NDFIP2: variants seen among roughly 807,000 people sequenced by gnomAD.
NDFIP2 encodes Nedd4 family interacting protein 2.
In NDFIP2, 19 loss-of-function variants were observed where a neutral mutation model predicts 36.0. The observed-to-expected ratio is 0.53, with a 90% CI of 0.37 to 0.77. The LOEUF (loss-of-function observed/expected upper bound fraction) is 0.77. Among genes scored for constraint, NDFIP2 ranks in the 30% least tolerant of loss-of-function variants. NDFIP2 has a pLI of 0.00. For missense variants in NDFIP2, 446 were observed against 435.8 expected, an observed-to-expected ratio of 1.02 and a Z score of -0.21; for synonymous variants, 181 against 167.7, an observed-to-expected ratio of 1.08 and a Z score of -0.61.
At chr13:79,507,001 C>G (rs1873893522) in intron 1 of NDFIP2, among the ~76,000 whole-genome samples, 1 of 151,848 alleles carries the variant, frequency 6.6e-6, no homozygotes, top group South Asian at 2.1e-4. Flanking sequence ...TTTAAAACTG[C>G]ATGTTTAAAA....
chr13:79,495,146 A>G (rs1343076486), intron 1 of NDFIP2, among the ~76,000 whole-genome samples: 1 of 151,932 alleles, frequency 6.6e-6, no homozygotes, highest in Admixed American at 6.6e-5. Flanking sequence ...TTATGGGCTA[A>G]TATATCCAAC....
chr13:79,541,105 ATTG>A (rs1392654008), intron 4 of NDFIP2, among the ~76,000 whole-genome samples: 4 of 152,154 alleles, frequency 2.6e-5, no homozygotes, highest in Admixed American at 1.3e-4. Context: ...CATTACTTTC[ATTG>A]TTATTATACC....
At chr13:79,542,386 G>A (rs1053894760) in intron 4 of NDFIP2, among the ~76,000 whole-genome samples, 1 of 152,152 alleles carries the variant, frequency 6.6e-6, no homozygotes, top group Non-Finnish European at 1.5e-5. Flanking sequence ...GTAAGAAATT[G>A]CCAAACTGTC....
chr13:79,487,924 C>G (rs543048848), intron 1 of NDFIP2, among the ~76,000 whole-genome samples: 1 of 152,218 alleles, frequency 6.6e-6, no homozygotes, highest in East Asian at 1.9e-4. Context: ...AATGTAAAAA[C>G]TCCTTCGAAT....
At chr13:79,482,129 A>G (rs1030053763) in intron 1 of NDFIP2, among the ~76,000 whole-genome samples, 1 of 73,232 alleles carries the variant, frequency 1.4e-5, no homozygotes, top group Non-Finnish European at 3.0e-5. Context: ...AAATGACTGT[A>G]TTTTTTGGTA....
intron 2 of NDFIP2, among the ~76,000 whole-genome samples, 155 bp from the exon 3 acceptor site, chr13:79,533,168 G>A (rs372809077): frequency 1.3e-5 from 2 of 152,094 alleles, no homozygotes; most frequent in East Asian, 3.8e-4. Flanking sequence ...ATATATGATT[G>A]TAATAGTAAT....
intron 5 of NDFIP2, among the ~76,000 whole-genome samples, chr13:79,546,248 G>A (rs183542550): frequency 3.3e-5 from 5 of 152,162 alleles, no homozygotes; most frequent in South Asian, 2.1e-4. Flanking sequence ...TCATACTGCC[G>A]CTGTCCATTT....
At chr13:79,524,316 TA>T (rs1874706468) in intron 2 of NDFIP2, among the ~76,000 whole-genome samples, 1 of 152,240 alleles carries the variant, frequency 6.6e-6, no homozygotes, top group South Asian at 2.1e-4. Flanking sequence ...AAATCATTCA[TA>T]ACTTTACTCC....
At chr13:79,544,833 A>G (rs1875601803) in intron 5 of NDFIP2, among the ~76,000 whole-genome samples, 1 of 152,152 alleles carries the variant, frequency 6.6e-6, no homozygotes, top group Non-Finnish European at 1.5e-5. Flanking sequence ...ATAGCTTTCC[A>G]GGGTTTCAGT....
intron 1 of NDFIP2, among the ~76,000 whole-genome samples, chr13:79,493,787 A>G (rs1026087509): frequency 2.0e-5 from 3 of 150,810 alleles, no homozygotes; most frequent in African/African-American, 7.2e-5. Context: ...GTCTGGTATC[A>G]TCTAGCTACA....
intron 3 of NDFIP2, among the ~76,000 whole-genome samples, chr13:79,536,085 T>A (rs755329897): frequency 2.0e-5 from 3 of 152,208 alleles, no homozygotes; most frequent in Non-Finnish European, 4.4e-5. Context: ...ATTTCTGATG[T>A]GTAGAATTGC....
chr13:79,485,814 A>G (rs936388593), intron 1 of NDFIP2, among the ~76,000 whole-genome samples: 1 of 152,112 alleles, frequency 6.6e-6, no homozygotes, highest in Non-Finnish European at 1.5e-5. Flanking sequence ...TTCTTGTCTT[A>G]GTGAACTCTT....
intron 1 of NDFIP2, among the ~76,000 whole-genome samples, chr13:79,496,950 T>C (rs1873456624): frequency 1.3e-5 from 2 of 152,078 alleles, no homozygotes; most frequent in South Asian, 2.1e-4. Flanking sequence ...CTTTGTTTCC[T>C]GAAACGTAGT....
intron 1 of NDFIP2, among the ~76,000 whole-genome samples, chr13:79,491,104 T>G (rs190143497): frequency 6.6e-6 from 1 of 152,300 alleles, no homozygotes; most frequent in East Asian, 1.9e-4. Context: ...TTTTGCTTAT[T>G]TATTTCCTAC....
At chr13:79,516,398 T>C (rs768909448) in intron 1 of NDFIP2, among the ~76,000 whole-genome samples, 5 of 152,020 alleles carry the variant, frequency 3.3e-5, no homozygotes, top group African/African-American at 1.2e-4. Flanking sequence ...GGTCTACTTA[T>C]TATTTGTAGA....
chr13:79,488,191 T>C (rs1324506340), intron 1 of NDFIP2, among the ~76,000 whole-genome samples: 1 of 152,186 alleles, frequency 6.6e-6, no homozygotes, highest in Non-Finnish European at 1.5e-5. Context: ...TACTAAGTAG[T>C]ACACCAAGTT....
intron 5 of NDFIP2, among the ~76,000 whole-genome samples, chr13:79,547,683 G>C (rs1164939536): frequency 3.3e-5 from 5 of 152,084 alleles, no homozygotes; most frequent in African/African-American, 2.4e-5. Context: ...ATATAAAACT[G>C]TCTACCATGG....
chr13:79,539,150 T>C (rs1003816274), intron 3 of NDFIP2, among the ~76,000 whole-genome samples: 2 of 152,236 alleles, frequency 1.3e-5, no homozygotes, highest in Non-Finnish European at 2.9e-5. Context: ...ATCTAATCTT[T>C]TGCTCTTATT....
intron 1 of NDFIP2, among the ~76,000 whole-genome samples, chr13:79,488,540 C>T (rs1299652187): frequency 1.3e-5 from 2 of 152,062 alleles, no homozygotes; most frequent in Non-Finnish European, 2.9e-5. Context: ...CATGAAAATA[C>T]CATATTATAA....
Sources: gnomAD v4.1 joint callset for allele counts (sites outside exome capture counted in the v4.1 genomes callset) on GRCh38, gnomAD v4.1.1 for gene constraint, MANE v1.5 for transcripts, NCBI Gene and HGNC (gene_info 2026-07-23, HGNC 2026-07-21) for gene names.